The following EBF3 variants were observed in gnomAD, a reference collection of about 807,000 sequenced individuals.
EBF3 encodes the protein EBF transcription factor 3, also known as transcription factor COE3.
In EBF3, 18 loss-of-function variants were observed where a neutral mutation model predicts 77.1. The observed-to-expected ratio is 0.23, with a 90% confidence interval of 0.16 to 0.35. EBF3 has a LOEUF of 0.35. EBF3 is among the 10% of genes least tolerant of loss of function. The probability of loss-of-function intolerance (pLI) is 1.00; values close to 1 mark genes in which losing one functional copy is unlikely to be tolerated. For missense variants in EBF3, 558 were observed against 860.0 expected, an observed-to-expected ratio of 0.65 and a Z score of 4.39; for synonymous variants, 350 against 343.5, an observed-to-expected ratio of 1.02 and a Z score of -0.21.
rs1049869352 is a variant in EBF3, at chr10:129,876,663, T to C, written c.636+1105A>G. ...TGGGTAAATCCCAAACAGGAATCAT[T>C]CTGCTCTTGGGTCATTCATCCAAGC... On this transcript the variant is annotated intron_variant, in intron 7 of 16. Coordinates refer to ENST00000440978, the MANE Select transcript of EBF3 (RefSeq NM_001375380.1). 4.6e-5 allele frequency among the ~76,000 whole-genome samples: 7 copies of C among 152,330 alleles called. No individual in the cohort carries two copies. The South Asian group carries it at 1.0e-3, about 23-fold the overall frequency.
chr10:129,950,316 C>G (rs1205462891), intron 6 of EBF3, among the ~76,000 whole-genome samples: 1 of 152,238 alleles, frequency 6.6e-6, no homozygotes, highest in Non-Finnish European at 1.5e-5. Flanking sequence ...TCGGGCACCA[C>G]AGCCCTGCAT....
Position 129,918,482 on chromosome 10 carries a change from G to A in EBF3, c.554+38776C>T, listed in dbSNP as rs182690412. Among the ~76,000 whole-genome samples, 258 of 152,332 alleles carry A rather than the reference G, an allele frequency of 1.7e-3. 1 individual carries two copies. Among genetic ancestry groups the A allele is most frequent in the African/African-American group, 5.9e-3 (246 of 41,578 alleles). On this transcript the variant is annotated intron_variant, in intron 6 of 16. Transcript: ENST00000440978. ...GTGGACCACCAGACTAAAGAGGATC[G>A]GGGAGCGTTGAGAAAGTAATGGAGC...
chr10:129,962,656 T>G (rs1381523183), intron 3 of EBF3, among the ~76,000 whole-genome samples: 1 of 152,174 alleles, frequency 6.6e-6, no homozygotes, highest in Non-Finnish European at 1.5e-5. Flanking sequence ...ACCCCCATCC[T>G]AATAATTAAC....
chr10:129,841,049 C>T lies in EBF3; in HGVS notation c.1373-17G>A, dbSNP rs1340612090. ...TGTAGCCGACTGTTGAAATCCCCCCCCCGGCCAAAAATAACATTATTATCA... is the reference window on the plus strand; with the variant it reads ...TGTAGCCGACTGTTGAAATCCCCCCTCCGGCCAAAAATAACATTATTATCA... On this transcript the variant is annotated splice_polypyrimidine_tract_variant and intron_variant, in intron 13 of 16. Transcript: ENST00000440978. The surrounding 1 kb of genome is among the most constrained non-coding windows in gnomAD (Gnocchi z 4.6). 1 of 1,604,600 alleles carries T rather than the reference C, an allele frequency of 6.2e-7. No homozygotes were observed.
chr10:129,928,058 C>T (rs1403745076), intron 6 of EBF3, among the ~76,000 whole-genome samples: 1 of 152,154 alleles, frequency 6.6e-6, no homozygotes, highest in African/African-American at 2.4e-5. Flanking sequence ...TAACAGGAAC[C>T]GTTACTATTC....
intron 6 of EBF3, among the ~76,000 whole-genome samples, chr10:129,908,330 G>A (rs1218195441): frequency 6.6e-6 from 1 of 152,152 alleles, no homozygotes; most frequent in African/African-American, 2.4e-5. Flanking sequence ...CAGATAAAGT[G>A]GACAATTACT....
chr10:129,952,697 A>G lies in EBF3; in HGVS notation c.554+4561T>C, dbSNP rs920135003. The stretch of plus-strand genomic sequence containing the variant: ...AATGTTTATCCTCCCCGCTTCTGAA[A>G]ACAACCTGACAAGAAGATGTAAAGG... On this transcript the variant is annotated intron_variant, in intron 6 of 16. Coordinates refer to ENST00000440978, the MANE Select transcript of EBF3 (RefSeq NM_001375380.1). The surrounding 1 kb of genome is among the most constrained non-coding windows in gnomAD (Gnocchi z 4.7). Among the ~76,000 whole-genome samples the G allele has an allele frequency of 3.3e-5, 5 of 152,210 alleles. No individual in the cohort carries two copies. Among genetic ancestry groups the G allele is most frequent in the Non-Finnish European group, 2.9e-5 (2 of 68,044 alleles).
intron 10 of EBF3, among the ~76,000 whole-genome samples, chr10:129,865,390 G>A (rs1277126530): frequency 1.3e-5 from 2 of 152,178 alleles, no homozygotes; most frequent in African/African-American, 4.8e-5. Context: ...AAAACCTAGA[G>A]GAGCAGCCCT....
In EBF3 at chr10:129,885,881, A is replaced by G. The variant is rs1040509274; in HGVS notation, c.555-8032T>C. On this transcript the variant is annotated intron_variant, in intron 6 of 16. Coordinates refer to ENST00000440978, the MANE Select transcript of EBF3 (RefSeq NM_001375380.1). This position sits in a 1 kb window ranked among gnomAD's most constrained non-coding sequence, Gnocchi z 4.0. ...AGATTAAGTGCCTATGCTTATCCCA[A>G]CTTAGGGTTTCAAGCCTCTCCCACC... Among the ~76,000 whole-genome samples the G allele has an allele frequency of 6.6e-5, 10 of 152,134 alleles. No homozygotes were observed. Among genetic ancestry groups the G allele is most frequent in the Non-Finnish European group, 1.2e-4 (8 of 68,030 alleles).
chr10:129,892,043 C>T (rs762108630), intron 6 of EBF3, among the ~76,000 whole-genome samples: 11 of 152,238 alleles, frequency 7.2e-5, no homozygotes, highest in Admixed American at 2.0e-4. Context: ...CTCTGGCCAA[C>T]GGCCTGCCTG....
chr10:129,851,081 G>A (rs1590064452), intron 10 of EBF3, among the ~76,000 whole-genome samples: 2 of 152,340 alleles, frequency 1.3e-5, no homozygotes, highest in East Asian at 3.9e-4. Flanking sequence ...GGGAGAGATT[G>A]CCTGACCTTT....
intron 10 of EBF3, among the ~76,000 whole-genome samples, chr10:129,866,711 T>C (rs1393223007): frequency 6.6e-6 from 1 of 152,118 alleles, no homozygotes; most frequent in African/African-American, 2.4e-5. Flanking sequence ...TCATCACCTC[T>C]CTGAGCCTCG....
Position 129,841,042 on chromosome 10 carries a change from T to C in EBF3, c.1373-10A>G, listed in dbSNP as rs866258379. ...TTGCGACTGTAGCCGACTGTTGAAA[T>C]CCCCCCCCCGGCCAAAAATAACATT... is the stretch of plus-strand genomic sequence containing the variant. On this transcript the variant is annotated splice_polypyrimidine_tract_variant and intron_variant, in intron 13 of 16. Transcript: ENST00000440978. This position sits in a 1 kb window ranked among gnomAD's most constrained non-coding sequence, Gnocchi z 4.6. 1,043 of 1,509,798 alleles carry C rather than the reference T, an allele frequency of 6.9e-4. 2 individuals are homozygous for C. The highest frequency in any genetic ancestry group is 2.0e-3 in the African/African-American group (141 of 70,216). The allele number at this position is 1,509,798 out of a possible 1,614,324, so 93.5% of individuals were successfully genotyped here. A position where few individuals can be genotyped will look rare whatever the true frequency, so the allele number is the denominator to read the frequency against.
rs908074984 is a variant in EBF3 at position 129,947,201 on chromosome 10, G to A, written c.554+10057C>T. Among the ~76,000 whole-genome samples, 8 of 152,180 alleles carry A rather than the reference G, an allele frequency of 5.3e-5. No individual in the cohort carries two copies. The highest frequency in any genetic ancestry group is 1.9e-4 in the East Asian group (1 of 5,190). ...CAAATATCAAGGAAGAGGGGCCGCCGGGGGACCACCCCATCCCGGCACACT... is the reference window on the plus strand; with the variant it reads ...CAAATATCAAGGAAGAGGGGCCGCCAGGGGACCACCCCATCCCGGCACACT... On this transcript the variant is annotated intron_variant, in intron 6 of 16. Transcript: ENST00000440978. This position sits in a 1 kb window ranked among gnomAD's most constrained non-coding sequence, Gnocchi z 4.5.
At chr10:129,917,651 CAAAAAA>C (rs71481019) in intron 6 of EBF3, among the ~76,000 whole-genome samples, 45 of 23,594 alleles carry the variant, frequency 1.9e-3, no homozygotes, top group Middle Eastern at 0.056. Context: ...GACCCTGCCT[CAAAAAA>C]AAAAAAAAAA....
intron 6 of EBF3, among the ~76,000 whole-genome samples, chr10:129,931,757 G>C (rs1278803373): frequency 6.6e-6 from 1 of 152,214 alleles, no homozygotes; most frequent in Non-Finnish European, 1.5e-5. Flanking sequence ...AACTTAAACT[G>C]TTGCTATCAT....
chr10:129,854,312 T>C (rs758994328), intron 10 of EBF3, among the ~76,000 whole-genome samples: 4 of 152,230 alleles, frequency 2.6e-5, no homozygotes, highest in Non-Finnish European at 5.9e-5. Flanking sequence ...CATAGAAATT[T>C]CATGAACTTT....
At chr10:129,942,732 G>T (rs60503300) in intron 6 of EBF3, among the ~76,000 whole-genome samples, 8,620 of 152,176 alleles carry the variant, frequency 0.057, 712 homozygotes, top group African/African-American at 0.18. Flanking sequence ...TGACTGCATT[G>T]GAATGTACCA....
In EBF3 at chr10:129,879,301, T is replaced by C. The variant is rs916155725; in HGVS notation, c.555-1452A>G. On this transcript the variant is annotated intron_variant, in intron 6 of 16. Coordinates refer to ENST00000440978, the MANE Select transcript of EBF3 (RefSeq NM_001375380.1). This position sits in a 1 kb window ranked among gnomAD's most constrained non-coding sequence, Gnocchi z 4.7. ...ACTCTCTGCACGTGGCCAAGCATCC[T>C]GTCCAGCAAGGTCATCAACACAAAC... 1.3e-5 allele frequency among the ~76,000 whole-genome samples: 2 copies of C among 152,212 alleles called. No individual in the cohort carries two copies. The highest frequency in any genetic ancestry group is 4.8e-5 in the African/African-American group (2 of 41,458).
Sources: gnomAD v4.1 joint callset for allele counts (sites outside exome capture counted in the v4.1 genomes callset) on GRCh38, gnomAD v4.1.1 for gene constraint, Gnocchi (gnomAD v3.1) non-coding constraint, MANE v1.5 for transcripts, NCBI Gene and HGNC (gene_info 2026-07-23, HGNC 2026-07-21) for gene names.